SEMA3C: variants seen among roughly 807,000 people sequenced by gnomAD.
SEMA3C encodes semaphorin-3C.
Under a neutral mutation model 89.4 loss-of-function variants are expected in SEMA3C, and 47 were observed. The observed-to-expected ratio is 0.53, with a 90% CI of 0.42 to 0.67. The LOEUF is 0.67. Among genes scored for constraint, SEMA3C ranks in the 30% least tolerant of loss-of-function variants. The pLI, the probability that SEMA3C is intolerant of heterozygous loss-of-function variation, is 0.00. For synonymous variants in SEMA3C, 310 were observed against 320.2 expected (o/e 0.97, Z 0.34); for missense variants, 839 against 929.1 (o/e 0.90, Z 1.26).
At chr7:80,775,686 T>C (rs540934448) in intron 12 of SEMA3C, among the ~76,000 whole-genome samples, 1 of 152,232 alleles carries the variant, frequency 6.6e-6, no homozygotes, top group East Asian at 1.9e-4. Context: ...GGTGGTGCTT[T>C]TTTTTACACA....
intron 11 of SEMA3C, chr7:80,793,465 A>T (rs1042153397): frequency 2.2e-6 from 1 of 451,054 alleles, no homozygotes; most frequent in Non-Finnish European, 4.4e-6. Flanking sequence ...AAGAATAAAA[A>T]ATTACTGTTA....
intron 11 of SEMA3C, chr7:80,793,441 C>G: frequency 2.3e-6 from 1 of 441,158 alleles, no homozygotes; most frequent in Non-Finnish European, 4.5e-6. Context: ...TTTGATGTGC[C>G]CAGTAGGGGA....
At chr7:80,798,724 A>G (rs1789126102) in intron 10 of SEMA3C, among the ~76,000 whole-genome samples, 2 of 152,196 alleles carry the variant, frequency 1.3e-5, no homozygotes, top group Admixed American at 1.3e-4. Flanking sequence ...GGAGAAGTCT[A>G]TGTTGTCACG....
chr7:80,826,664 G>A lies in SEMA3C; in HGVS notation c.327+761C>T, dbSNP rs6651126. Among the ~76,000 whole-genome samples the A allele has an allele frequency of 3.0e-3, 461 of 152,186 alleles. 1 individual carries two copies. The highest frequency in any genetic ancestry group is 0.011 in the African/African-American group (439 of 41,542). Reference sequence around the variant, plus strand: ...TTACCAAACTATTTTTGAAAGACAGGGTGATTTTGATGCTTGGCTGTATTA... The same window carrying A: ...TTACCAAACTATTTTTGAAAGACAGAGTGATTTTGATGCTTGGCTGTATTA... On this transcript the variant is annotated intron_variant, in intron 4 of 17. Coordinates refer to ENST00000265361, the MANE Select transcript of SEMA3C (RefSeq NM_006379.5).
intron 2 of SEMA3C, among the ~76,000 whole-genome samples, chr7:80,874,118 G>C (rs1241450350): frequency 6.6e-6 from 1 of 152,142 alleles, no homozygotes; most frequent in Admixed American, 6.5e-5. Context: ...TATAATCAAT[G>C]GTTTTGGAGC....
At position 80,894,635 on chromosome 7, in the gene SEMA3C, T is replaced by C. The variant is rs150968442; in HGVS notation, c.103+22044A>G. ...ACTTTTTCTTCTTTTCTTTGGATGC[T>C]AAGAGCAAACAGTGGATATTTTAAT... On this transcript the variant is annotated intron_variant, in intron 2 of 17. Coordinates refer to ENST00000265361, the MANE Select transcript of SEMA3C (RefSeq NM_006379.5). Among the ~76,000 whole-genome samples, 3 of 152,336 alleles carry C rather than the reference T, an allele frequency of 2.0e-5. No homozygotes were observed. The East Asian group carries it at 5.8e-4, about 29-fold the overall frequency.
chr7:80,836,630 A>C (rs1475077835), intron 2 of SEMA3C, among the ~76,000 whole-genome samples: 1 of 152,168 alleles, frequency 6.6e-6, no homozygotes, highest in Non-Finnish European at 1.5e-5. Context: ...GAGAGCAGAG[A>C]TCATGCCACT....
chr7:80,840,787 T>G (rs1790248432), intron 2 of SEMA3C, among the ~76,000 whole-genome samples: 2 of 152,076 alleles, frequency 1.3e-5, no homozygotes, highest in African/African-American at 4.8e-5. Context: ...AAATATTAAC[T>G]AAGCCACTCA....
chr7:80,846,449 T>C (rs1263663019), intron 2 of SEMA3C, among the ~76,000 whole-genome samples: 1 of 152,118 alleles, frequency 6.6e-6, no homozygotes, highest in Non-Finnish European at 1.5e-5. Flanking sequence ...CTCTAACTCC[T>C]GGGCTCAGGG....
At chr7:80,758,186 A>G in intron 15 of SEMA3C, 145 bp downstream of exon 15, 2 of 841,308 alleles carry the variant, frequency 2.4e-6, no homozygotes, top group Non-Finnish European at 3.7e-6. Context: ...TTCTTCATTC[A>G]AAGACTATGT....
chr7:80,748,755 G>T, intron 17 of SEMA3C, 143 bp downstream of exon 17: 1 of 752,422 alleles, frequency 1.3e-6, no homozygotes, highest in Non-Finnish European at 2.1e-6. Context: ...AGGATTTTAA[G>T]GAAAGTGGCA....
chr7:80,803,969 G>A (rs2115679091), intron 8 of SEMA3C, 137 bp downstream of exon 8: 2 of 738,828 alleles, frequency 2.7e-6, no homozygotes, highest in South Asian at 6.1e-5. Context: ...ATATAATAAT[G>A]ATGATGAATA....
chr7:80,840,139 C>T (rs1790228378), intron 2 of SEMA3C, among the ~76,000 whole-genome samples: 1 of 152,046 alleles, frequency 6.6e-6, no homozygotes, highest in South Asian at 2.1e-4. Flanking sequence ...CTCTCTATGA[C>T]ATACTGCTTG....
At chr7:80,895,091 C>G (rs1245435040) in intron 2 of SEMA3C, among the ~76,000 whole-genome samples, 1 of 152,218 alleles carries the variant, frequency 6.6e-6, no homozygotes, top group African/African-American at 2.4e-5. Context: ...TCCCCACACA[C>G]ACGTGAGCAT....
chr7:80,837,148 A>ACTAG (rs1455128038), intron 2 of SEMA3C, among the ~76,000 whole-genome samples: 3 of 152,176 alleles, frequency 2.0e-5, no homozygotes, highest in African/African-American at 7.2e-5. Context: ...TCTACACAGA[A>ACTAG]CTAGCATCAG....
In SEMA3C at chr7:80,912,844, C is replaced by G. The variant is rs116294586; in HGVS notation, c.103+3835G>C. Among the ~76,000 whole-genome samples, 223 of 152,230 alleles carry G rather than the reference C, an allele frequency of 1.5e-3. 1 individual carries two copies. The East Asian group carries it at 0.021, about 14-fold the overall frequency. On this transcript the variant is annotated intron_variant, in intron 2 of 17. Coordinates refer to ENST00000265361, the MANE Select transcript of SEMA3C (RefSeq NM_006379.5). Reference sequence around the variant, plus strand: ...CCACAACAAAAACTATTTCAACAAACGTGCCTTGTAATGCTAATGCTACCA... The same window carrying G: ...CCACAACAAAAACTATTTCAACAAAGGTGCCTTGTAATGCTAATGCTACCA...
chr7:80,773,186 T>C (rs1788472735), intron 12 of SEMA3C, among the ~76,000 whole-genome samples: 2 of 152,178 alleles, frequency 1.3e-5, no homozygotes, highest in Non-Finnish European at 2.9e-5. Context: ...ACACATTTTC[T>C]ACCACTATAT....
At chr7:80,748,305 C>T (rs962406220) in intron 17 of SEMA3C, among the ~76,000 whole-genome samples, 4 of 152,092 alleles carry the variant, frequency 2.6e-5, no homozygotes, top group African/African-American at 7.2e-5. Context: ...TTCTAATCCA[C>T]GAAAAGTTTC....
At chr7:80,827,542 C>T in intron 3 of SEMA3C, 55 bp from the exon 4 acceptor site, 1 of 1,373,066 alleles carries the variant, frequency 7.3e-7, no homozygotes, top group Non-Finnish European at 9.9e-7. Context: ...TATGACAGCC[C>T]AGTGCTCTTC....
Sources: allele counts gnomAD v4.1 joint callset (sites outside exome capture counted in the v4.1 genomes callset), GRCh38; gene constraint gnomAD v4.1.1; transcripts MANE v1.5; gene names NCBI Gene and HGNC (gene_info 2026-07-23, HGNC 2026-07-21).